The following SLC35G2 variants were observed in gnomAD, a reference collection of about 807,000 sequenced individuals.
SLC35G2 encodes the protein transmembrane protein 22.
Under a neutral mutation model 27.2 loss-of-function variants are expected in SLC35G2, and 20 were observed. The observed-to-expected ratio is 0.74, with a 90% CI of 0.52 to 1.07. The LOEUF (loss-of-function observed/expected upper bound fraction) is 1.07. Among genes scored for constraint, SLC35G2 ranks in the 50% least tolerant of loss-of-function variants. The probability of loss-of-function intolerance (pLI) is 0.00; values close to 1 mark genes in which losing one functional copy is unlikely to be tolerated. For missense variants in SLC35G2, 416 were observed against 493.3 expected (o/e 0.84, Z 1.48); for synonymous variants, 148 against 165.3 (o/e 0.90, Z 0.80).
At chr3:136,835,729 C>T (rs2049436295) in intron 1 of SLC35G2, among the ~76,000 whole-genome samples, 1 of 151,826 alleles carries the variant, frequency 6.6e-6, no homozygotes, top group Non-Finnish European at 1.5e-5. Context: ...AAGTTTTTTC[C>T]TCTCCCTTCT....
intron 1 of SLC35G2, among the ~76,000 whole-genome samples, chr3:136,834,343 T>A (rs1936809223): frequency 6.6e-6 from 1 of 152,196 alleles, no homozygotes; most frequent in Non-Finnish European, 1.5e-5. Flanking sequence ...TATTATTTAT[T>A]TATTTTTGAG....
At chr3:136,851,377 G>T (rs1937621312) in intron 1 of SLC35G2, among the ~76,000 whole-genome samples, 1 of 150,608 alleles carries the variant, frequency 6.6e-6, no homozygotes, top group Admixed American at 6.7e-5. Flanking sequence ...GGAGCCTGTA[G>T]TTCCCAGCTA....
At chr3:136,821,919 C>G (rs921444610) in intron 1 of SLC35G2, among the ~76,000 whole-genome samples, 3 of 152,092 alleles carry the variant, frequency 2.0e-5, no homozygotes, top group Non-Finnish European at 4.4e-5. Context: ...TTCTACTCCT[C>G]GATTCTATGA....
At chr3:136,844,360 G>A (rs543440113) in intron 1 of SLC35G2, among the ~76,000 whole-genome samples, 6 of 151,550 alleles carry the variant, frequency 4.0e-5, no homozygotes, top group African/African-American at 9.7e-5. Flanking sequence ...GTGGTGGCAC[G>A]CGCCTGTAGT....
chr3:136,853,458 A>T (rs1043975222), intron 1 of SLC35G2, among the ~76,000 whole-genome samples: 4 of 152,118 alleles, frequency 2.6e-5, no homozygotes, highest in African/African-American at 9.7e-5. Flanking sequence ...CATTGTAGTA[A>T]GCTACAATGA....
intron 1 of SLC35G2, among the ~76,000 whole-genome samples, chr3:136,822,198 G>A (rs1936473629): frequency 6.6e-6 from 1 of 151,986 alleles, no homozygotes; most frequent in Admixed American, 6.6e-5. Flanking sequence ...TCAAATACTA[G>A]GTGTTATTCA....
intron 1 of SLC35G2, among the ~76,000 whole-genome samples, chr3:136,833,803 A>G (rs942221134): frequency 1.2e-4 from 19 of 152,046 alleles, no homozygotes; most frequent in African/African-American, 4.6e-4. Context: ...AGGGTTGGGC[A>G]CCCCTGCTGT....
chr3:136,835,382 CA>C (rs1560012728), intron 1 of SLC35G2, among the ~76,000 whole-genome samples: 1 of 15,964 alleles, frequency 6.3e-5, no homozygotes, highest in South Asian at 3.4e-3. Context: ...TCAGGTGATA[CA>C]TTTTTTTTTG....
intron 1 of SLC35G2, among the ~76,000 whole-genome samples, chr3:136,848,785 G>GT (rs1342784464): frequency 1.3e-5 from 2 of 152,190 alleles, no homozygotes; most frequent in African/African-American, 4.8e-5. Flanking sequence ...TCTGAAACGG[G>GT]TTAGAGTAGG....
rs184076891 is a variant in SLC35G2, at chr3:136,855,071, T to A, written c.611T>A (p.Val204Asp). ...GTTMWRATTTVFSAILAFLLV... is the reference protein window; with the variant it reads ...GTTMWRATTTDFSAILAFLLV... Reference sequence around the variant, plus strand: ...ACTATGTGGAGAGCCACAACTACAGTCTTCAGTGCCATTTTGGCTTTTTTA... The same window carrying A: ...ACTATGTGGAGAGCCACAACTACAGACTTCAGTGCCATTTTGGCTTTTTTA... Residue 204 changes from valine to aspartate, a missense_variant, in exon 2 of 2, where the codon GTC (valine) becomes GAC (aspartate). Coordinates refer to ENST00000446465, the MANE Select transcript of SLC35G2 (RefSeq NM_025246.3). 6.2e-7 allele frequency: 1 copy of A among 1,614,196 alleles called. No homozygotes were observed. The highest frequency in any genetic ancestry group is 1.7e-5 in the Admixed American group (1 of 60,020).
chr3:136,848,724 G>A (rs1411394220), intron 1 of SLC35G2, among the ~76,000 whole-genome samples: 1 of 152,174 alleles, frequency 6.6e-6, no homozygotes, highest in African/African-American at 2.4e-5. Flanking sequence ...GCTCTTATTA[G>A]TGGGAGCTAA....
In SLC35G2 at chr3:136,854,405, AAATG is replaced by A. The variant is rs1157599221; in HGVS notation, c.-18-33_-18-30del. On this transcript the variant is annotated intron_variant, in intron 1 of 1. Coordinates refer to ENST00000446465, the MANE Select transcript of SLC35G2 (RefSeq NM_025246.3). ...TATAATAGAAATTAAATTTTCAATG[AAATG>A]AATGTCTTTTTGTCAATTTTTTTCT... 126 of 1,327,628 alleles carry A rather than the reference AAATG, an allele frequency of 9.5e-5. No homozygotes were observed. In the East Asian group the frequency reaches 3.0e-3, roughly 31 times the overall value. The allele number at this position is 1,327,628 out of a possible 1,614,324, so 82.2% of individuals were successfully genotyped here. A position where few individuals can be genotyped will look rare whatever the true frequency, so the allele number is the denominator to read the frequency against.
At chr3:136,840,594 C>T (rs772395759) in intron 1 of SLC35G2, among the ~76,000 whole-genome samples, 41 of 149,910 alleles carry the variant, frequency 2.7e-4, no homozygotes, top group Non-Finnish European at 4.6e-4. Flanking sequence ...TCCCTCCCTC[C>T]GTCTCTTTCT....
At chr3:136,846,929 C>A (rs188045104) in intron 1 of SLC35G2, among the ~76,000 whole-genome samples, 18 of 152,080 alleles carry the variant, frequency 1.2e-4, no homozygotes. Flanking sequence ...CAGTACTTTG[C>A]GCTAAGGCGA....
At chr3:136,824,810 T>C in intron 1 of SLC35G2, among the ~76,000 whole-genome samples, 1 of 152,192 alleles carries the variant, frequency 6.6e-6, no homozygotes, top group East Asian at 1.9e-4. Context: ...CCAGGTTTGT[T>C]ACATAGGTAT....
rs1210432101 is a variant in SLC35G2, at chr3:136,819,126, A to T, written c.-521A>T. The T allele has an allele frequency of 2.6e-5, 4 of 151,996 alleles. No homozygotes were observed. Among genetic ancestry groups the T allele is most frequent in the Non-Finnish European group, 1.5e-5 (1 of 67,974 alleles). The allele number at this position is 151,996 out of a possible 1,614,324, so 9.4% of individuals were successfully genotyped here. A position where few individuals can be genotyped will look rare whatever the true frequency, so the allele number is the denominator to read the frequency against. ...GGCGGCGCCCCTCTCCCTCCGCAGT[A>T]CTCCGGGCAGCGCCCGCCTCGATTT... On this transcript the variant is annotated 5_prime_UTR_variant, in exon 1 of 2. Coordinates refer to ENST00000446465, the MANE Select transcript of SLC35G2 (RefSeq NM_025246.3).
chr3:136,834,670 T>C (rs1001963666), intron 1 of SLC35G2, among the ~76,000 whole-genome samples: 4 of 152,172 alleles, frequency 2.6e-5, no homozygotes, highest in African/African-American at 9.7e-5. Context: ...CACCACTGTC[T>C]CACTATCACC....
At chr3:136,839,836 G>C (rs1319966515) in intron 1 of SLC35G2, among the ~76,000 whole-genome samples, 1 of 152,092 alleles carries the variant, frequency 6.6e-6, no homozygotes, top group African/African-American at 2.4e-5. Context: ...TAGCCCTCCT[G>C]TTTGATGCTT....
At chr3:136,834,064 C>A (rs1936802651) in intron 1 of SLC35G2, among the ~76,000 whole-genome samples, 1 of 151,764 alleles carries the variant, frequency 6.6e-6, no homozygotes, top group African/African-American at 2.4e-5. Flanking sequence ...TTCTCATTAT[C>A]ACCAGATTGC....
Sources: gnomAD v4.1 joint callset for allele counts (sites outside exome capture counted in the v4.1 genomes callset) on GRCh38, gnomAD v4.1.1 for gene constraint, MANE v1.5 for transcripts, NCBI Gene and HGNC (gene_info 2026-07-23, HGNC 2026-07-21) for gene names.